Variants in SUPT5H observed in about 807,000 individuals in gnomAD.
SUPT5H encodes transcription elongation factor SPT5.
In SUPT5H, 24 loss-of-function variants were observed where a neutral mutation model predicts 142.5. The ratio of observed to expected loss-of-function variants is 0.17; its 90% CI spans 0.12 to 0.24. The LOEUF (loss-of-function observed/expected upper bound fraction) is 0.24, where lower values mean the gene tolerates loss of function less well. Among genes scored for constraint, SUPT5H ranks in the 10% least tolerant of loss-of-function variants. The pLI is 1.00. For missense variants in SUPT5H, 893 were observed against 1,471.8 expected (o/e 0.61, Z 6.43); for synonymous variants, 546 against 553.0 (o/e 0.99, Z 0.18).
chr19:39,451,187 C>CTT (rs36028459), intron 2 of SUPT5H, among the ~76,000 whole-genome samples: 6,728 of 111,654 alleles, frequency 0.06, 820 homozygotes, highest in African/African-American at 0.19. Context: ...TGAGCATGAC[C>CTT]TTTTTTTTTT....
Position 39,458,262 on chromosome 19 carries a change from C to G in SUPT5H, c.308-32C>G. The G allele has an allele frequency of 6.3e-7, 1 of 1,589,786 alleles. No individual in the cohort carries two copies. On this transcript the variant is annotated intron_variant, in intron 4 of 29. Coordinates refer to ENST00000432763, the MANE Select transcript of SUPT5H (RefSeq NM_001111020.3). The surrounding 1 kb of genome is among the most constrained non-coding windows in gnomAD (Gnocchi z 4.2). ...ACCACCACCACCACCACCACCACCACCACCACCACCACCTCCTCTTCCTCC... is the reference window on the plus strand; with the variant it reads ...ACCACCACCACCACCACCACCACCAGCACCACCACCACCTCCTCTTCCTCC...
chr19:39,465,064 G>GTGGCA lies in SUPT5H; in HGVS notation c.876+19_876+23dup, dbSNP rs1162542312. On this transcript the variant is annotated intron_variant, in intron 11 of 29. Coordinates refer to ENST00000432763, the MANE Select transcript of SUPT5H (RefSeq NM_001111020.3). ...ACATTGCTCAGGTGCCCGGGGCGGG[G>GTGGCA]TGGCATGGGGGTCAGGGTCCCTCCA... is the stretch of plus-strand genomic sequence containing the variant. 21 of 1,606,168 alleles carry GTGGCA rather than the reference G, an allele frequency of 1.3e-5. No homozygotes were observed. Among genetic ancestry groups the GTGGCA allele is most frequent in the Admixed American group, 1.7e-5 (1 of 59,764 alleles).
intron 2 of SUPT5H, among the ~76,000 whole-genome samples, chr19:39,450,697 A>G (rs2079010507): frequency 6.6e-6 from 1 of 152,328 alleles, no homozygotes; most frequent in South Asian, 2.1e-4. Flanking sequence ...GTTGGGGATG[A>G]TGAAAGGTGC....
rs1449278168 is a variant in SUPT5H, at chr19:39,472,020, A to C, written c.1950+290A>C. Among the ~76,000 whole-genome samples the C allele has an allele frequency of 6.6e-6, 1 of 152,252 alleles. No homozygotes were observed. The highest frequency in any genetic ancestry group is 1.5e-5 in the Non-Finnish European group (1 of 68,040). On this transcript the variant is annotated intron_variant, in intron 20 of 29. Transcript: ENST00000432763. This position sits in a 1 kb window ranked among gnomAD's most constrained non-coding sequence, Gnocchi z 4.2. ...TCTGCTCTCACAGAGCTGATACTCTAGAGGTGGACAGACAGATAAACCCAT... is the reference window on the plus strand; with the variant it reads ...TCTGCTCTCACAGAGCTGATACTCTCGAGGTGGACAGACAGATAAACCCAT...
Position 39,472,338 on chromosome 19 carries a change from G to A in SUPT5H, c.1951-71G>A. ...GGTCTCCTCAGGGCCCTGCACGTGG[G>A]ATGATGAGTTCCTGTGGTTTGTGGT... On this transcript the variant is annotated intron_variant, in intron 20 of 29. Transcript: ENST00000432763. This position sits in a 1 kb window ranked among gnomAD's most constrained non-coding sequence, Gnocchi z 4.2. The A allele has an allele frequency of 6.7e-7, 1 of 1,481,648 alleles. No individual in the cohort carries two copies. The highest frequency in any genetic ancestry group is 9.4e-7 in the Non-Finnish European group (1 of 1,063,670). The allele number at this position is 1,481,648 out of a possible 1,614,324, so 91.8% of individuals were successfully genotyped here.
At position 39,471,521 on chromosome 19, in the gene SUPT5H, C is replaced by A; in HGVS notation, c.1824+18C>A. On this transcript the variant is annotated intron_variant, in intron 19 of 29. Transcript: ENST00000432763. The stretch of plus-strand genomic sequence containing the variant: ...CCCACTCAGTGAGTACAAGTTCCTG[C>A]TTTTGAGCTGCATCTGAAAGAATTT... The A allele has an allele frequency of 1.9e-6, 3 of 1,613,990 alleles. No homozygotes were observed. Among genetic ancestry groups the A allele is most frequent in the Non-Finnish European group, 2.5e-6 (3 of 1,179,874 alleles).
intron 11 of SUPT5H, among the ~76,000 whole-genome samples, chr19:39,465,554 C>T (rs549373648): frequency 4.7e-4 from 71 of 152,306 alleles, no homozygotes; most frequent in Non-Finnish European, 1.0e-3. Flanking sequence ...CATTTGGTAA[C>T]GTCTGGAGAC....
At position 39,470,628 on chromosome 19, in the gene SUPT5H, C is replaced by G; in HGVS notation, c.1677+105C>G. On this transcript the variant is annotated intron_variant, in intron 18 of 29. Coordinates refer to ENST00000432763, the MANE Select transcript of SUPT5H (RefSeq NM_001111020.3). The surrounding 1 kb of genome is among the most constrained non-coding windows in gnomAD (Gnocchi z 5.8). ...AGAGCCCCCAGACTGCTCTGGGTTGCAGATCTGGCTCTGTCACTTACATCT... is the reference window on the plus strand; with the variant it reads ...AGAGCCCCCAGACTGCTCTGGGTTGGAGATCTGGCTCTGTCACTTACATCT... 7.7e-7 allele frequency: 1 copy of G among 1,303,294 alleles called. No individual in the cohort carries two copies. The highest frequency in any genetic ancestry group is 1.0e-6 in the Non-Finnish European group (1 of 975,264). 80.7% of individuals were successfully genotyped at this position (1,303,294 alleles called of 1,614,324 possible).
intron 8 of SUPT5H, 70 bp from the exon 9 acceptor site, chr19:39,459,489 C>G: frequency 1.3e-6 from 2 of 1,591,410 alleles, no homozygotes; most frequent in Non-Finnish European, 1.7e-6. Context: ...GGGGGTGGCC[C>G]TGGGGGTTCG....
chr19:39,457,580 A>C, intron 3 of SUPT5H, 95 bp from the exon 4 acceptor site: 1 of 1,554,848 alleles, frequency 6.4e-7, no homozygotes, highest in Non-Finnish European at 8.7e-7. Context: ...TGCGGTGGGG[A>C]TTTGTAGTGC....
chr19:39,457,728 A>G lies in SUPT5H; in HGVS notation c.295A>G (p.Ile99Val). Residue 99 changes from isoleucine (I) to valine (V), a missense_variant, in exon 4 of 30, where the codon ATT (isoleucine) becomes GTT (valine). Coordinates refer to ENST00000432763, the MANE Select transcript of SUPT5H (RefSeq NM_001111020.3). The part of the protein sequence containing the change: ...EDQWEDGAED[I>V]LEKEEIEASN... ...CCAGTGGGAGGATGGAGCAGAGGACATTCTAGAGAAAGGTGTGTGTGAGCC... is the reference window on the plus strand; with the variant it reads ...CCAGTGGGAGGATGGAGCAGAGGACGTTCTAGAGAAAGGTGTGTGTGAGCC... 1.2e-6 allele frequency: 2 copies of G among 1,614,160 alleles called. No homozygotes were observed. Among genetic ancestry groups the G allele is most frequent in the Non-Finnish European group, 1.7e-6 (2 of 1,180,018 alleles).
Position 39,458,164 on chromosome 19 carries a change from CT to C in SUPT5H, c.308-128del. The C allele has an allele frequency of 6.9e-7, 1 of 1,448,964 alleles. No individual in the cohort carries two copies. The highest frequency in any genetic ancestry group is 9.2e-7 in the Non-Finnish European group (1 of 1,090,468). The allele number at this position is 1,448,964 out of a possible 1,614,324, so 89.8% of individuals were successfully genotyped here. ...GTTTTCAACCTTTCTGTGTCCCTCC[CT>C]TCCCCTCCCCCAACCCATTGGTTGA... On this transcript the variant is annotated intron_variant, in intron 4 of 29. Transcript: ENST00000432763. The surrounding 1 kb of genome is among the most constrained non-coding windows in gnomAD (Gnocchi z 4.2).
At chr19:39,459,985 G>C (rs1600707879) in intron 10 of SUPT5H, 25 bp downstream of exon 10, 3 of 1,613,024 alleles carry the variant, frequency 1.9e-6, no homozygotes, top group Middle Eastern at 1.7e-4. Flanking sequence ...CAGGCGGCTT[G>C]GTGGGGAGAC....
intron 18 of SUPT5H, 48 bp from the exon 19 acceptor site, chr19:39,471,309 T>C: frequency 6.2e-7 from 1 of 1,611,972 alleles, no homozygotes; most frequent in East Asian, 2.2e-5. Context: ...GCCCCGTGTC[T>C]CCCCTTCCCA....
chr19:39,473,119 G>A lies in SUPT5H; in HGVS notation c.2258+5G>A, dbSNP rs192740523. 5 of 1,612,740 alleles carry A rather than the reference G, an allele frequency of 3.1e-6. No individual in the cohort carries two copies. The Admixed American group carries it at 5.0e-5, about 16-fold the overall frequency. ...CCGTCAGCGGCTCACCACGGTGTAC[G>A]GGCGGGGCCTGGGGAGGGCCAGGGT... On this transcript the variant is annotated splice_donor_5th_base_variant and intron_variant, in intron 23 of 29. Coordinates refer to ENST00000432763, the MANE Select transcript of SUPT5H (RefSeq NM_001111020.3). The surrounding 1 kb of genome is among the most constrained non-coding windows in gnomAD (Gnocchi z 5.8).
intron 9 of SUPT5H, 31 bp from the exon 10 acceptor site, chr19:39,459,861 A>T (rs1192776504): frequency 6.2e-7 from 1 of 1,611,602 alleles, no homozygotes; most frequent in Non-Finnish European, 8.5e-7. Context: ...CCATCCTGTC[A>T]TCTCTCTCAA....
Position 39,474,464 on chromosome 19 carries a change from T to G in SUPT5H, c.2821-51T>G. On this transcript the variant is annotated intron_variant, in intron 27 of 29. Coordinates refer to ENST00000432763, the MANE Select transcript of SUPT5H (RefSeq NM_001111020.3). This position sits in a 1 kb window ranked among gnomAD's most constrained non-coding sequence, Gnocchi z 6.5. Reference sequence around the variant, plus strand: ...CTAGGGTGACTTTGGGCATATAGGGTCGGCCAGGCCAGATGACTATTCCCA... The same window carrying G: ...CTAGGGTGACTTTGGGCATATAGGGGCGGCCAGGCCAGATGACTATTCCCA... 1.2e-6 allele frequency: 2 copies of G among 1,610,396 alleles called. No homozygotes were observed. Among genetic ancestry groups the G allele is most frequent in the Non-Finnish European group, 1.7e-6 (2 of 1,177,448 alleles).
intron 10 of SUPT5H, among the ~76,000 whole-genome samples, chr19:39,461,680 C>G (rs1189940568): frequency 6.6e-6 from 1 of 151,478 alleles, no homozygotes; most frequent in African/African-American, 2.4e-5. Flanking sequence ...AAAGATTAGC[C>G]AGGGGTGGTG....
intron 3 of SUPT5H, among the ~76,000 whole-genome samples, chr19:39,455,310 C>G (rs1191077617): frequency 6.6e-6 from 1 of 152,178 alleles, no homozygotes; most frequent in South Asian, 2.1e-4. Context: ...GCTTGTAATC[C>G]CAGCACTTTA....
Sources: allele counts gnomAD v4.1 joint callset (sites outside exome capture counted in the v4.1 genomes callset), GRCh38; gene constraint gnomAD v4.1.1; non-coding constraint Gnocchi (gnomAD v3.1); transcripts MANE v1.5; gene names NCBI Gene and HGNC (gene_info 2026-07-23, HGNC 2026-07-21).